Variants in PRELID3A observed in about 807,000 individuals in gnomAD.
The protein encoded by PRELID3A is PRELI domain containing protein 3A.
In PRELID3A, 27 loss-of-function variants were observed where a neutral mutation model predicts 23.0. The observed-to-expected ratio is 1.17, with a 90% CI of 0.87 to 1.62. The LOEUF is 1.62. Ranked by LOEUF, PRELID3A falls within the 40% of genes most tolerant of loss-of-function variation. PRELID3A has a pLI of 0.00. For synonymous variants in PRELID3A, 87 were observed against 86.4 expected, an observed-to-expected ratio of 1.01 and a Z score of -0.04; for missense variants, 231 against 231.4, an observed-to-expected ratio of 1.00 and a Z score of 0.01.
At chr18:12,420,514 G>GAACGC in intron 2 of PRELID3A, 21 bp downstream of exon 2, 1 of 1,496,224 alleles carries the variant, frequency 6.7e-7, no homozygotes, top group Non-Finnish European at 8.9e-7. Context: ...CGGGGGCTGC[G>GAACGC]GCTCCGAACG....
At chr18:12,411,682 A>G (rs1909917166) in intron 1 of PRELID3A, among the ~76,000 whole-genome samples, 1 of 152,140 alleles carries the variant, frequency 6.6e-6, no homozygotes, top group African/African-American at 2.4e-5. Flanking sequence ...ATGGGGAGTC[A>G]TGCCTAAAGC....
At chr18:12,414,310 C>T (rs1032380703) in intron 1 of PRELID3A, among the ~76,000 whole-genome samples, 2 of 152,226 alleles carry the variant, frequency 1.3e-5, no homozygotes, top group Admixed American at 1.3e-4. Flanking sequence ...TTCCCAAGTG[C>T]ACAGCAGTGA....
At chr18:12,420,604 C>A in intron 2 of PRELID3A, 111 bp downstream of exon 2, 10 of 1,010,074 alleles carry the variant, frequency 9.9e-6, no homozygotes, top group Admixed American at 3.6e-5. Context: ...CTTTGGCTGC[C>A]ATCGGGGTGG....
At chr18:12,415,313 G>T (rs1041690470) in intron 1 of PRELID3A, among the ~76,000 whole-genome samples, 1 of 151,616 alleles carries the variant, frequency 6.6e-6, no homozygotes, top group African/African-American at 2.4e-5. Context: ...AGGCAGAAGT[G>T]CAGTGGTGCG....
intron 1 of PRELID3A, among the ~76,000 whole-genome samples, chr18:12,415,739 ACAT>A (rs2029927556): frequency 6.6e-6 from 1 of 152,186 alleles, no homozygotes; most frequent in African/African-American, 2.4e-5. Context: ...CAAATCCCAG[ACAT>A]CATGTAATTT....
intron 6 of PRELID3A, among the ~76,000 whole-genome samples, chr18:12,430,897 G>C (rs574100548): frequency 1.3e-5 from 2 of 150,796 alleles, no homozygotes; most frequent in South Asian, 2.1e-4. Context: ...TATGTATGTG[G>C]TGTGTGTGCA....
At chr18:12,426,587 A>C (rs1248021011) in intron 3 of PRELID3A, among the ~76,000 whole-genome samples, 1 of 149,512 alleles carries the variant, frequency 6.7e-6, no homozygotes, top group African/African-American at 2.5e-5. Context: ...GTACATAAGG[A>C]GTTAGTCTGT....
chr18:12,424,204 T>C (rs970113494), intron 3 of PRELID3A, among the ~76,000 whole-genome samples: 1 of 152,228 alleles, frequency 6.6e-6, no homozygotes, highest in Non-Finnish European at 1.5e-5. Flanking sequence ...CAATATTTAC[T>C]TATGAAATTC....
In PRELID3A at chr18:12,430,549, G is replaced by T. The variant is rs187794408; in HGVS notation, c.*34-601G>T. ...GGGTGTGTGTGATGTGTATATGTGT[G>T]TGGTATGTGGAGTGTGTGTGTGACA... On this transcript the variant is annotated intron_variant, in intron 6 of 6. Coordinates refer to ENST00000440960, the MANE Select transcript of PRELID3A (RefSeq NM_001142405.2). Among the ~76,000 whole-genome samples, 416 of 149,844 alleles carry T rather than the reference G, an allele frequency of 2.8e-3. 1 individual carries two copies. The highest frequency in any genetic ancestry group is 9.7e-3 in the African/African-American group (395 of 40,678).
chr18:12,427,513 A>G (rs2030419274), intron 5 of PRELID3A, among the ~76,000 whole-genome samples, 190 bp downstream of exon 5: 2 of 152,020 alleles, frequency 1.3e-5, no homozygotes, highest in Non-Finnish European at 1.5e-5. Context: ...CCTGGCCAAC[A>G]TGCTGAAACC....
chr18:12,429,624 G>A (rs3760551), intron 6 of PRELID3A, among the ~76,000 whole-genome samples, 188 bp downstream of exon 6: 64,159 of 152,074 alleles, frequency 0.42, 15,302 homozygotes, highest in Middle Eastern at 0.67. Flanking sequence ...TCCTTGCTTC[G>A]TGGCAGGATT....
At chr18:12,418,085 T>C (rs1446485691) in intron 1 of PRELID3A, among the ~76,000 whole-genome samples, 1 of 152,216 alleles carries the variant, frequency 6.6e-6, no homozygotes, top group African/African-American at 2.4e-5. Context: ...AGTAAATTAC[T>C]GATCACTCTG....
chr18:12,427,031 T>C lies in PRELID3A; in HGVS notation c.292-10T>C. 6.2e-7 allele frequency: 1 copy of C among 1,603,760 alleles called. No homozygotes were observed. Among genetic ancestry groups the C allele is most frequent in the Non-Finnish European group, 8.5e-7 (1 of 1,170,698 alleles). On this transcript the variant is annotated splice_polypyrimidine_tract_variant and intron_variant, in intron 3 of 6. Coordinates refer to ENST00000440960, the MANE Select transcript of PRELID3A (RefSeq NM_001142405.2). Reference sequence around the variant, plus strand: ...AGAAATACAATCTAAACCTTTTTTTTCTTTTTAAGATCACACTCACAAATT... The same window carrying C: ...AGAAATACAATCTAAACCTTTTTTTCCTTTTTAAGATCACACTCACAAATT...
intron 5 of PRELID3A, among the ~76,000 whole-genome samples, chr18:12,428,215 G>C (rs1024155664): frequency 1.3e-5 from 2 of 152,146 alleles, no homozygotes; most frequent in Admixed American, 1.3e-4. Flanking sequence ...TTGTGTCCAG[G>C]GCACTGGAAC....
At chr18:12,421,908 C>T (rs1367922476) in intron 3 of PRELID3A, among the ~76,000 whole-genome samples, 1 of 152,098 alleles carries the variant, frequency 6.6e-6, no homozygotes. Context: ...TGGGCACCCC[C>T]CACAGGATAA....
chr18:12,421,429 A>G (rs547052752), intron 2 of PRELID3A, 111 bp from the exon 3 acceptor site: 8 of 740,746 alleles, frequency 1.1e-5, no homozygotes, highest in African/African-American at 1.0e-4. Flanking sequence ...GCTGCATCCC[A>G]TGATATCATT....
chr18:12,427,531 C>G (rs1568166397), intron 5 of PRELID3A, among the ~76,000 whole-genome samples: 1 of 151,770 alleles, frequency 6.6e-6, no homozygotes. Context: ...ACCCCATCTA[C>G]TAAAAATACA....
At chr18:12,425,168 T>A (rs1328878905) in intron 3 of PRELID3A, among the ~76,000 whole-genome samples, 1 of 151,974 alleles carries the variant, frequency 6.6e-6, no homozygotes, top group African/African-American at 2.4e-5. Flanking sequence ...AAAATAAAAT[T>A]AAAAATTCCA....
chr18:12,420,166 G>T, intron 1 of PRELID3A, 159 bp from the exon 2 acceptor site: 1 of 1,429,194 alleles, frequency 7.0e-7, no homozygotes, highest in Non-Finnish European at 9.1e-7. Flanking sequence ...GCCGGCGGCC[G>T]GGGAGGGCTC....
Sources: allele counts gnomAD v4.1 joint callset (sites outside exome capture counted in the v4.1 genomes callset), GRCh38; gene constraint gnomAD v4.1.1; transcripts MANE v1.5; gene names NCBI Gene and HGNC (gene_info 2026-07-23, HGNC 2026-07-21).